The following C6orf118 variants were observed in gnomAD, a reference collection of about 807,000 sequenced individuals.
The protein encoded by C6orf118 is chromosome 6 open reading frame 118, also known as uncharacterized protein C6orf118.
A neutral mutation model predicts 50.2 loss-of-function variants in C6orf118; 50 were observed. That is an observed-to-expected ratio of 1.00 (90% CI 0.79 to 1.26). The LOEUF (loss-of-function observed/expected upper bound fraction) is 1.26. Among genes scored for constraint, C6orf118 ranks in the 50% most tolerant of loss-of-function variants. The probability of loss-of-function intolerance (pLI) is 0.00; values close to 1 mark genes in which losing one functional copy is unlikely to be tolerated. For missense variants in C6orf118, 641 were observed against 578.7 expected, an observed-to-expected ratio of 1.11 and a Z score of -1.10; for synonymous variants, 239 against 230.9, an observed-to-expected ratio of 1.03 and a Z score of -0.32.
intron 7 of C6orf118, among the ~76,000 whole-genome samples, chr6:165,289,175 A>C (rs938795559): frequency 2.4e-5 from 3 of 127,034 alleles, no homozygotes; most frequent in Non-Finnish European, 1.8e-5. Flanking sequence ...TCCCCCCTCC[A>C]AAAAAAAAAA....
chr6:165,286,960 A>G lies in C6orf118; in HGVS notation c.1302+2926T>C, dbSNP rs9459348. On this transcript the variant is annotated intron_variant, in intron 7 of 8. Transcript: ENST00000230301. Reference sequence around the variant, plus strand: ...CAGGCAAGAGAAAGAAATAAAGGGTATTGAAATAGGAAGAGAGGAAGTTGA... The same window carrying G: ...CAGGCAAGAGAAAGAAATAAAGGGTGTTGAAATAGGAAGAGAGGAAGTTGA... Among the ~76,000 whole-genome samples, 1,031 of 152,318 alleles carry G rather than the reference A, an allele frequency of 6.8e-3. 12 individuals are homozygous for G. Among genetic ancestry groups the G allele is most frequent in the African/African-American group, 0.023 (977 of 41,580 alleles).
chr6:165,294,950 A>G (rs1445661580), intron 5 of C6orf118, among the ~76,000 whole-genome samples: 1 of 152,224 alleles, frequency 6.6e-6, no homozygotes, highest in Non-Finnish European at 1.5e-5. Flanking sequence ...TTTTCAATAT[A>G]TGTAGTAAGA....
chr6:165,302,298 T>C lies in C6orf118; in HGVS notation c.26-2A>G, dbSNP rs745509384. Reference sequence around the variant, plus strand: ...CGCAGTGCTTCCACTTCAGGTACACTGGTCAGAAAAGAAAAGGAGGCTCTT... The same window carrying C: ...CGCAGTGCTTCCACTTCAGGTACACCGGTCAGAAAAGAAAAGGAGGCTCTT... On this transcript the variant is annotated splice_acceptor_variant, in intron 1 of 8. Transcript: ENST00000230301. LOFTEE classifies it high-confidence loss of function. The C allele has an allele frequency of 1.9e-6, 3 of 1,608,684 alleles. No homozygotes were observed. Among genetic ancestry groups the C allele is most frequent in the African/African-American group, 1.4e-5 (1 of 73,506 alleles).
chr6:165,289,877 G>A lies in C6orf118; in HGVS notation c.1302+9C>T. The A allele has an allele frequency of 6.5e-7, 1 of 1,542,364 alleles. No homozygotes were observed. The highest frequency in any genetic ancestry group is 8.7e-7 in the Non-Finnish European group (1 of 1,144,100). On this transcript the variant is annotated intron_variant, in intron 7 of 8. Transcript: ENST00000230301. ...ATAATGTAAATATTTAAATAAATAA[G>A]TTGCGTACCTCTATGCTTTTAATCC... is the stretch of plus-strand genomic sequence containing the variant.
chr6:165,307,173 T>C (rs1417102835), intron 1 of C6orf118, among the ~76,000 whole-genome samples: 1 of 152,084 alleles, frequency 6.6e-6, no homozygotes, highest in Admixed American at 6.5e-5. Context: ...AGAGGTTTTT[T>C]ATTTGTTTGT....
At chr6:165,309,114 A>T (rs635149) in intron 1 of C6orf118, among the ~76,000 whole-genome samples, 3 of 152,008 alleles carry the variant, frequency 2.0e-5, no homozygotes, top group Non-Finnish European at 4.4e-5. Context: ...AGGACTTCTG[A>T]CTTGATGAAT....
chr6:165,279,690 A>C lies in C6orf118; in HGVS notation c.*367T>G. The C allele has an allele frequency of 5.9e-6, 1 of 170,260 alleles. No individual in the cohort carries two copies. Among genetic ancestry groups the C allele is most frequent in the Non-Finnish European group, 1.2e-5 (1 of 80,286 alleles). The allele number at this position is 170,260 out of a possible 1,614,324, so 10.5% of individuals were successfully genotyped here. On this transcript the variant is annotated 3_prime_UTR_variant, in exon 9 of 9. Coordinates refer to ENST00000230301, the MANE Select transcript of C6orf118 (RefSeq NM_144980.4). ...TATTAAATCACTATAAAATTTTATTAAATGCATATATGTAAACTTGTGTTG... is the reference window on the plus strand; with the variant it reads ...TATTAAATCACTATAAAATTTTATTCAATGCATATATGTAAACTTGTGTTG...
intron 7 of C6orf118, among the ~76,000 whole-genome samples, chr6:165,282,241 T>C (rs2128156301): frequency 6.6e-6 from 1 of 152,252 alleles, no homozygotes; most frequent in East Asian, 1.9e-4. Flanking sequence ...CCCAAATGCA[T>C]TTATAAATTC....
In C6orf118 at chr6:165,301,770, C is replaced by T; in HGVS notation, c.552G>A (p.Val184=). 6.2e-7 allele frequency: 1 copy of T among 1,614,090 alleles called. No individual in the cohort carries two copies. The change falls in exon 2 of 9, where the codon GTG becomes GTA. Residue 184 remains valine, a synonymous_variant. Coordinates refer to ENST00000230301, the MANE Select transcript of C6orf118 (RefSeq NM_144980.4). ...REELRLPDLK[V]LCYQEAGSRG... is the part of the protein sequence containing the mutation. ...TGGACCCGGCCTCCTGGTAGCACAG[C>T]ACCTTCAAGTCGGGCAGCCGGAGTT...
At chr6:165,295,364 T>G (rs1200291420) in intron 5 of C6orf118, among the ~76,000 whole-genome samples, 1 of 152,214 alleles carries the variant, frequency 6.6e-6, no homozygotes, top group African/African-American at 2.4e-5. Context: ...CCTGAAATGC[T>G]CTTTGGGAAC....
Position 165,301,682 on chromosome 6 carries a change from T to C in C6orf118, c.640A>G (p.Arg214Gly), listed in dbSNP as rs1484548070. ...TGGAAACGCAGGAACATCCTGTACC[T>C]GTCTGCGCTGGTGGCTCCGGCCAGG... is the stretch of plus-strand genomic sequence containing the variant. Reference protein sequence around the residue: ...SYLAGATSADRYRMFLRFQKE... With the variant: ...SYLAGATSADGYRMFLRFQKE... The change falls in exon 2 of 9, where the codon AGG becomes GGG. Residue 214 changes from arginine (R) to glycine (G), a missense_variant. By Grantham distance (125) the Arg-to-Gly change is moderately radical. Coordinates refer to ENST00000230301, the MANE Select transcript of C6orf118 (RefSeq NM_144980.4). 5.6e-6 allele frequency: 9 copies of C among 1,614,096 alleles called. No individual in the cohort carries two copies. Among genetic ancestry groups the C allele is most frequent in the Non-Finnish European group, 6.8e-6 (8 of 1,180,042 alleles).
chr6:165,303,557 A>G, intron 1 of C6orf118, among the ~76,000 whole-genome samples: 1 of 136,258 alleles, frequency 7.3e-6, no homozygotes, highest in African/African-American at 3.0e-5. Context: ...GGATCAACAA[A>G]ATTGATAGAC....
chr6:165,281,730 T>C (rs1161878439), intron 7 of C6orf118, 37 bp from the exon 8 acceptor site: 1 of 1,271,118 alleles, frequency 7.9e-7, no homozygotes, highest in South Asian at 1.6e-5. Flanking sequence ...ATATACTTGG[T>C]TAAAAATATT....
intron 1 of C6orf118, among the ~76,000 whole-genome samples, 193 bp downstream of exon 1, chr6:165,309,369 C>A (rs1780860458): frequency 6.6e-6 from 1 of 152,252 alleles, no homozygotes; most frequent in South Asian, 2.1e-4. Flanking sequence ...CTGTGCTTTG[C>A]GCGCTGGTTT....
chr6:165,309,374 T>C (rs1780860653), intron 1 of C6orf118, among the ~76,000 whole-genome samples, 188 bp downstream of exon 1: 1 of 152,254 alleles, frequency 6.6e-6, no homozygotes, highest in Admixed American at 6.5e-5. Flanking sequence ...CTTTGCGCGC[T>C]GGTTTCAGAT....
chr6:165,298,105 G>T lies in C6orf118; in HGVS notation c.937-4C>A. 1 of 1,586,048 alleles carries T rather than the reference G, an allele frequency of 6.3e-7. No homozygotes were observed. ...CCTTGAGTTGAGCCAGAAGAGCCTA[G>T]GCAGGACCAGGTACATGAGGTGAGA... On this transcript the variant is annotated splice_polypyrimidine_tract_variant and splice_region_variant and intron_variant, in intron 4 of 8. Transcript: ENST00000230301.
At chr6:165,298,920 C>T (rs888991387) in intron 4 of C6orf118, among the ~76,000 whole-genome samples, 1 of 152,192 alleles carries the variant, frequency 6.6e-6, no homozygotes, top group African/African-American at 2.4e-5. Context: ...CCAAAGTTAT[C>T]TTAGCTATCT....
At chr6:165,293,773 G>T (rs1451505977) in intron 5 of C6orf118, among the ~76,000 whole-genome samples, 17 of 151,594 alleles carry the variant, frequency 1.1e-4, no homozygotes, top group Admixed American at 1.1e-3. Flanking sequence ...AAGGAAGAAG[G>T]CAAAAAAAAT....
Position 165,281,944 on chromosome 6 carries a change from G to A in C6orf118, c.1303-251C>T, listed in dbSNP as rs77586953. 4.1e-4 allele frequency: 105 copies of A among 257,028 alleles called. 2 individuals are homozygous for A. The East Asian group carries it at 8.1e-3, about 20-fold the overall frequency. 15.9% of individuals were successfully genotyped at this position (257,028 alleles called of 1,614,324 possible). ...TTTCAAAATATCAGAAAATTTTAGG[G>A]AAATTCCAGAAGTGAAGGGTTCTTC... On this transcript the variant is annotated intron_variant, in intron 7 of 8. Coordinates refer to ENST00000230301, the MANE Select transcript of C6orf118 (RefSeq NM_144980.4).
Sources: gnomAD v4.1 joint callset for allele counts (sites outside exome capture counted in the v4.1 genomes callset) on GRCh38, gnomAD v4.1.1 for gene constraint, MANE v1.5 for transcripts, NCBI Gene and HGNC (gene_info 2026-07-23, HGNC 2026-07-21) for gene names.